The following WWOX variants were observed in gnomAD, a reference collection of about 807,000 sequenced individuals.
WWOX encodes WW domain-containing oxidoreductase.
A neutral mutation model predicts 46.2 loss-of-function variants in WWOX; 69 were observed. The observed-to-expected ratio is 1.49, with a 90% CI of 1.23 to 1.82. The LOEUF is 1.82. Among genes scored for constraint, WWOX ranks in the 40% most tolerant of loss-of-function variants. The probability of loss-of-function intolerance (pLI) is 0.00; values close to 1 mark genes in which losing one functional copy is unlikely to be tolerated. For missense variants in WWOX, 919 were observed against 542.6 expected (o/e 1.69, Z -6.89); for synonymous variants, 359 against 202.6 (o/e 1.77, Z -6.56).
intron 5 of WWOX, among the ~76,000 whole-genome samples, chr16:78,199,710 T>C (rs938588367): frequency 6.6e-6 from 1 of 152,176 alleles, no homozygotes; most frequent in Non-Finnish European, 1.5e-5. Flanking sequence ...GTGTCACATA[T>C]ACATGACATC....
intron 8 of WWOX, among the ~76,000 whole-genome samples, chr16:79,177,103 ACT>A (rs907626588): frequency 1.1e-4 from 17 of 152,228 alleles, no homozygotes; most frequent in African/African-American, 3.6e-4. Flanking sequence ...ATGGCTTCAC[ACT>A]CAGTGCACAA....
At chr16:78,580,503 G>A (rs909762808) in intron 8 of WWOX, among the ~76,000 whole-genome samples, 2 of 152,156 alleles carry the variant, frequency 1.3e-5, no homozygotes, top group African/African-American at 4.8e-5. Context: ...GATGCCCAGA[G>A]GCATTTATAA....
intron 8 of WWOX, among the ~76,000 whole-genome samples, chr16:79,152,931 G>A (rs1020510369): frequency 6.6e-6 from 1 of 152,118 alleles, no homozygotes; most frequent in Non-Finnish European, 1.5e-5. Context: ...TCTAGGAGAC[G>A]GTGGAAAGAG....
At chr16:78,545,429 GT>G (rs2044005927) in intron 8 of WWOX, among the ~76,000 whole-genome samples, 1 of 152,088 alleles carries the variant, frequency 6.6e-6, no homozygotes, top group African/African-American at 2.4e-5. Flanking sequence ...TGTTGCCCAG[GT>G]TGGCCTCAAA....
intron 1 of WWOX, chr16:78,100,160 C>T: frequency 7.7e-7 from 1 of 1,298,616 alleles, no homozygotes; most frequent in Non-Finnish European, 9.8e-7. Context: ...GCAAAGCGGC[C>T]TCATCCCCGC....
At chr16:78,363,679 G>C (rs1193884849) in intron 5 of WWOX, among the ~76,000 whole-genome samples, 2 of 152,132 alleles carry the variant, frequency 1.3e-5, no homozygotes, top group Non-Finnish European at 2.9e-5. Flanking sequence ...CCACCATTCA[G>C]GTTCTTCTAT....
chr16:79,011,534 C>T (rs1229314744), intron 8 of WWOX, among the ~76,000 whole-genome samples: 6 of 150,936 alleles, frequency 4.0e-5, no homozygotes, highest in Non-Finnish European at 8.8e-5. Context: ...ATCTGTCCCC[C>T]AGGCTGGAGT....
intron 8 of WWOX, among the ~76,000 whole-genome samples, chr16:79,075,427 T>A (rs1350687702): frequency 6.6e-6 from 1 of 152,246 alleles, no homozygotes; most frequent in Non-Finnish European, 1.5e-5. Flanking sequence ...CCCCTATACC[T>A]AAGTTTTTAT....
chr16:79,019,789 C>G (rs1030277196), intron 8 of WWOX, among the ~76,000 whole-genome samples: 1 of 152,150 alleles, frequency 6.6e-6, no homozygotes, highest in African/African-American at 2.4e-5. Context: ...AGTTTAATTT[C>G]TGCATCAGAC....
At chr16:79,190,761 G>T (rs1423075638) in intron 8 of WWOX, among the ~76,000 whole-genome samples, 1 of 152,206 alleles carries the variant, frequency 6.6e-6, no homozygotes. Flanking sequence ...ACAGCCAGGT[G>T]CATTTGTTTA....
intron 5 of WWOX, among the ~76,000 whole-genome samples, chr16:78,193,869 A>ATTG (rs2035961719): frequency 6.7e-6 from 1 of 148,626 alleles, no homozygotes; most frequent in African/African-American, 2.5e-5. Flanking sequence ...TATTATTATT[A>ATTG]TTTTCTATTT....
At chr16:78,382,225 G>A (rs990508682) in intron 5 of WWOX, among the ~76,000 whole-genome samples, 17 of 152,180 alleles carry the variant, frequency 1.1e-4, no homozygotes, top group Admixed American at 7.2e-4. Context: ...ATAGCACGTT[G>A]CACCTTCTAG....
At chr16:78,305,145 C>G (rs966443234) in intron 5 of WWOX, among the ~76,000 whole-genome samples, 2 of 152,162 alleles carry the variant, frequency 1.3e-5, no homozygotes, top group African/African-American at 4.8e-5. Flanking sequence ...AAAGCTTCTC[C>G]TGCCACACTA....
At chr16:78,466,683 A>G (rs147805198) in intron 8 of WWOX, among the ~76,000 whole-genome samples, 217 of 152,152 alleles carry the variant, frequency 1.4e-3, no homozygotes, top group African/African-American at 4.8e-3. Context: ...CTCCGTCTCT[A>G]CTATAAATAC....
intron 5 of WWOX, among the ~76,000 whole-genome samples, chr16:78,210,547 T>C (rs963457083): frequency 6.6e-6 from 1 of 152,140 alleles, no homozygotes; most frequent in Non-Finnish European, 1.5e-5. Flanking sequence ...TCTTTCTCTG[T>C]CTCTCATAAG....
intron 8 of WWOX, among the ~76,000 whole-genome samples, chr16:78,812,014 G>C (rs72801049): frequency 6.6e-6 from 1 of 151,968 alleles, no homozygotes; most frequent in Admixed American, 6.6e-5. Flanking sequence ...CACCATCAAA[G>C]CTGTGGTTCT....
At chr16:78,764,429 A>G (rs1243358428) in intron 8 of WWOX, among the ~76,000 whole-genome samples, 1 of 150,958 alleles carries the variant, frequency 6.6e-6, no homozygotes, top group Middle Eastern at 3.2e-3. Flanking sequence ...GGAAATTGGT[A>G]TGGTAGGGAG....
At chr16:78,548,385 G>C (rs370253331) in intron 8 of WWOX, among the ~76,000 whole-genome samples, 1 of 151,836 alleles carries the variant, frequency 6.6e-6, no homozygotes, top group Non-Finnish European at 1.5e-5. Context: ...TGTGACTCAC[G>C]CAGAGCAGAA....
At chr16:78,450,231 T>C (rs1207413978) in intron 8 of WWOX, among the ~76,000 whole-genome samples, 5 of 152,178 alleles carry the variant, frequency 3.3e-5, no homozygotes, top group Non-Finnish European at 7.4e-5. Flanking sequence ...TGTGTAGAAT[T>C]TGAACCACTT....
Sources: gnomAD v4.1 joint callset for allele counts (sites outside exome capture counted in the v4.1 genomes callset) on GRCh38, gnomAD v4.1.1 for gene constraint, MANE v1.5 for transcripts, NCBI Gene and HGNC (gene_info 2026-07-23, HGNC 2026-07-21) for gene names.